IGSF9B: variants seen among roughly 807,000 people sequenced by gnomAD.
The protein encoded by IGSF9B is immunoglobulin superfamily member 9B.
A neutral mutation model predicts 143.7 loss-of-function variants in IGSF9B; 48 were observed. The ratio of observed to expected loss-of-function variants is 0.33; its 90% CI spans 0.26 to 0.42. The LOEUF (loss-of-function observed/expected upper bound fraction) is 0.42, where lower values mean the gene tolerates loss of function less well. Among genes scored for constraint, IGSF9B ranks in the 20% least tolerant of loss-of-function variants. IGSF9B has a pLI of 1.00. For missense variants in IGSF9B, 1,706 were observed against 1,980.0 expected, an observed-to-expected ratio of 0.86 and a Z score of 2.63; for synonymous variants, 903 against 833.1, an observed-to-expected ratio of 1.08 and a Z score of -1.44.
rs1052359666 is a variant in IGSF9B at position 133,904,125 on chromosome 11, C to T, written c.*4944G>A. ...CGAAGCCACTGTGCAACTTCATGGCCGGAAGGAAGCCTCTCTACCTCAAGA... is the reference window on the plus strand; with the variant it reads ...CGAAGCCACTGTGCAACTTCATGGCTGGAAGGAAGCCTCTCTACCTCAAGA... On this transcript the variant is annotated 3_prime_UTR_variant, in exon 20 of 20. Coordinates refer to ENST00000533871, the MANE Select transcript of IGSF9B (RefSeq NM_001277285.4). Among the ~76,000 whole-genome samples, 5 of 152,092 alleles carry T rather than the reference C, an allele frequency of 3.3e-5. No individual in the cohort carries two copies. Among genetic ancestry groups the T allele is most frequent in the African/African-American group, 1.2e-4 (5 of 41,388 alleles).
At chr11:133,956,654 G>C (rs1456630595) in intron 1 of IGSF9B, 37 bp downstream of exon 1, 1 of 1,444,374 alleles carries the variant, frequency 6.9e-7, no homozygotes, top group Non-Finnish European at 9.4e-7. Flanking sequence ...CGAGGGCGCC[G>C]GGAGGGGCAG....
At chr11:133,926,803 G>C (rs528295441) in intron 13 of IGSF9B, 113 bp downstream of exon 13, 1 of 846,592 alleles carries the variant, frequency 1.2e-6, no homozygotes, top group South Asian at 1.8e-5. Context: ...ACGGCTCTGT[G>C]GAGCACTCAG....
chr11:133,949,950 G>A (rs919152905), intron 1 of IGSF9B, among the ~76,000 whole-genome samples: 1 of 152,210 alleles, frequency 6.6e-6, no homozygotes, highest in Non-Finnish European at 1.5e-5. Context: ...CTGTATCTTG[G>A]GGGTGTGTCC....
At chr11:133,937,010 A>T (rs898682685) in intron 5 of IGSF9B, among the ~76,000 whole-genome samples, 1 of 152,164 alleles carries the variant, frequency 6.6e-6, no homozygotes, top group African/African-American at 2.4e-5. Flanking sequence ...TTCTATCTTT[A>T]TTTATTGATG....
At position 133,920,934 on chromosome 11, in the gene IGSF9B, G is replaced by C. The variant is rs369321654; in HGVS notation, c.2791C>G (p.Arg931Gly). Residue 931 changes from arginine to glycine, a missense_variant, in exon 18 of 20, where the codon CGG becomes GGG. This residue lies in a region of IGSF9B where 880 missense variants were observed against 762.9 expected (regional missense o/e 1.15). Coordinates refer to ENST00000533871, the MANE Select transcript of IGSF9B (RefSeq NM_001277285.4). Reference sequence around the variant, plus strand: ...CCCTCCAGCCCGCGGGGCTGGAACCGAGGGCTGTATGCTGGTGGTGGCAGG... The same window carrying C: ...CCCTCCAGCCCGCGGGGCTGGAACCCAGGGCTGTATGCTGGTGGTGGCAGG... ...SYLPPPAYSPRFQPRGLEGPG... is the reference protein window; with the variant it reads ...SYLPPPAYSPGFQPRGLEGPG... The C allele has an allele frequency of 1.4e-5, 22 of 1,610,362 alleles. No individual in the cohort carries two copies. The African/African-American group carries it at 2.8e-4, about 20-fold the overall frequency.
chr11:133,919,675 G>A (rs1380096302), intron 18 of IGSF9B, 67 bp downstream of exon 18: 2 of 1,042,450 alleles, frequency 1.9e-6, no homozygotes, highest in East Asian at 3.0e-5. Context: ...GGGGTGGAGG[G>A]CAGGGCGAGG....
At chr11:133,927,133 G>A in intron 12 of IGSF9B, 42 bp from the exon 13 acceptor site, 1 of 1,491,940 alleles carries the variant, frequency 6.7e-7, no homozygotes. Flanking sequence ...GAGGGGCGGG[G>A]TGGGTCACAC....
rs891419808 is a variant in IGSF9B at position 133,953,651 on chromosome 11, G to T, written c.64+3040C>A. Among the ~76,000 whole-genome samples, 1 of 152,214 alleles carries T rather than the reference G, an allele frequency of 6.6e-6. No individual in the cohort carries two copies. The highest frequency in any genetic ancestry group is 2.4e-5 in the African/African-American group (1 of 41,466). On this transcript the variant is annotated intron_variant, in intron 1 of 19. Coordinates refer to ENST00000533871, the MANE Select transcript of IGSF9B (RefSeq NM_001277285.4). The surrounding 1 kb of genome is among the most constrained non-coding windows in gnomAD (Gnocchi z 4.2). ...ACTGTATTTGGGGACACTGTAGTCA[G>T]GGATAATGTAACGACAGAATCTGTG... is the stretch of plus-strand genomic sequence containing the variant.
intron 3 of IGSF9B, 22 bp from the exon 4 acceptor site, chr11:133,937,983 T>TG: frequency 6.2e-7 from 1 of 1,611,458 alleles, no homozygotes; most frequent in Non-Finnish European, 8.5e-7. Context: ...ACCACAAAGA[T>TG]GAAGGACACG....
intron 16 of IGSF9B, 92 bp from the exon 17 acceptor site, chr11:133,922,314 A>G (rs1321151718): frequency 4.1e-6 from 5 of 1,208,334 alleles, no homozygotes; most frequent in African/African-American, 1.5e-5. Context: ...CCGGAGCACC[A>G]CCGCACAGGG....
chr11:133,918,785 A>G (rs1219537181), intron 18 of IGSF9B, among the ~76,000 whole-genome samples: 5 of 150,170 alleles, frequency 3.3e-5, no homozygotes, highest in Admixed American at 2.6e-4. Context: ...TCGAGAAGAG[A>G]GACCAAAGGA....
At position 133,928,115 on chromosome 11, in the gene IGSF9B, C is replaced by A. The variant is rs146786342; in HGVS notation, c.1632-1024G>T. ...GGAGCAGCAGCGTGAAGCAGCACCG[C>A]AAGCAGCAGGGGAGCCCCAATCTAC... On this transcript the variant is annotated intron_variant, in intron 12 of 19. Transcript: ENST00000533871. This position sits in a 1 kb window ranked among gnomAD's most constrained non-coding sequence, Gnocchi z 4.7. 2.6e-4 allele frequency among the ~76,000 whole-genome samples: 39 copies of A among 151,702 alleles called. No homozygotes were observed. The East Asian group carries it at 6.7e-3, about 26-fold the overall frequency.
rs200080271 is a variant in IGSF9B, at chr11:133,930,985, G to A, written c.1518C>T (p.Ile506=). 208 of 1,609,494 alleles carry A rather than the reference G, an allele frequency of 1.3e-4. No individual in the cohort carries two copies. Among genetic ancestry groups the A allele is most frequent in the Non-Finnish European group, 1.5e-4 (175 of 1,177,614 alleles). ...SITASTHLTV[I]GTSPHAPGSV... ...GGCCCAGCCTTGCCGGCCACGTACC[G>A]ATGACGGTGAGGTGGGTGCTGGCAG... Residue 506 remains isoleucine (I), a splice_region_variant and synonymous_variant, in exon 11 of 20, where the codon ATC becomes ATT. Transcript: ENST00000533871.
At position 133,921,267 on chromosome 11, in the gene IGSF9B, A is replaced by G; in HGVS notation, c.2458T>C (p.Tyr820His). The G allele has an allele frequency of 6.2e-7, 1 of 1,611,272 alleles. No homozygotes were observed. The highest frequency in any genetic ancestry group is 8.5e-7 in the Non-Finnish European group (1 of 1,179,178). The change falls in exon 18 of 20, where the codon TAC becomes CAC. Residue 820 changes from tyrosine to histidine, a missense_variant. Tyr to His is a moderately conservative substitution (Grantham distance 83, BLOSUM62 2). Coordinates refer to ENST00000533871, the MANE Select transcript of IGSF9B (RefSeq NM_001277285.4). ...SPTREKELSLYKKTKRAISSK... is the reference protein window; with the variant it reads ...SPTREKELSLHKKTKRAISSK... ...CTGATGGCCCGCTTGGTCTTCTTGT[A>G]CAGCGACAGCTCCTTCTCACGGGTG...
At chr11:133,914,962 CT>C (rs540133963) in intron 18 of IGSF9B, among the ~76,000 whole-genome samples, 87 of 152,268 alleles carry the variant, frequency 5.7e-4, no homozygotes, top group African/African-American at 1.9e-3. Flanking sequence ...AGGTGGGAAG[CT>C]TCAGTGAAGC....
chr11:133,931,954 T>A lies in IGSF9B; in HGVS notation c.1110+117A>T, dbSNP rs1471518821. 2 of 1,495,200 alleles carry A rather than the reference T, an allele frequency of 1.3e-6. No homozygotes were observed. Among genetic ancestry groups the A allele is most frequent in the African/African-American group, 2.8e-5 (2 of 71,014 alleles). 92.6% of individuals were successfully genotyped at this position (1,495,200 alleles called of 1,614,324 possible). A position where few individuals can be genotyped will look rare whatever the true frequency, so the allele number is the denominator to read the frequency against. On this transcript the variant is annotated intron_variant, in intron 8 of 19. Coordinates refer to ENST00000533871, the MANE Select transcript of IGSF9B (RefSeq NM_001277285.4). This position sits in a 1 kb window ranked among gnomAD's most constrained non-coding sequence, Gnocchi z 7.7. ...GACCCCTACAGAAGCAGCTCTCTGT[T>A]TGCCCAGGGCTTTTGGAAGGGGCCA...
chr11:133,918,591 G>A (rs560459885), intron 18 of IGSF9B, among the ~76,000 whole-genome samples: 2 of 152,156 alleles, frequency 1.3e-5, no homozygotes, highest in South Asian at 4.1e-4. Flanking sequence ...TCCTCGGCCG[G>A]CCCCGGAGCA....
rs1263887628 is a variant in IGSF9B at position 133,928,777 on chromosome 11, A to G, written c.1631+894T>C. 6.6e-6 allele frequency among the ~76,000 whole-genome samples: 1 copy of G among 152,120 alleles called. No homozygotes were observed. The highest frequency in any genetic ancestry group is 2.4e-5 in the African/African-American group (1 of 41,412). On this transcript the variant is annotated intron_variant, in intron 12 of 19. Transcript: ENST00000533871. The surrounding 1 kb of genome is among the most constrained non-coding windows in gnomAD (Gnocchi z 4.7). The stretch of plus-strand genomic sequence containing the variant: ...CTCCTGCCCTCACCCCGCTTGGCAC[A>G]TTTTTGAGATCTGTATCTACCCTAA...
At chr11:133,944,510 C>T (rs1022139817) in intron 2 of IGSF9B, 144 bp from the exon 3 acceptor site, 9 of 856,394 alleles carry the variant, frequency 1.1e-5, no homozygotes, top group South Asian at 1.7e-5. Context: ...ACAGCTGGCA[C>T]CCACCTCCAG....
Sources: allele counts gnomAD v4.1 joint callset (sites outside exome capture counted in the v4.1 genomes callset), GRCh38; gene constraint gnomAD v4.1.1; regional missense constraint gnomAD v4.1.1; non-coding constraint Gnocchi (gnomAD v3.1); transcripts MANE v1.5; gene names NCBI Gene and HGNC (gene_info 2026-07-23, HGNC 2026-07-21).